The following STXBP4 variants were observed in gnomAD, a reference collection of about 807,000 sequenced individuals.
The protein encoded by STXBP4 is syntaxin binding protein 4.
Under a neutral mutation model 76.1 loss-of-function variants are expected in STXBP4, and 55 were observed. That is an observed-to-expected ratio of 0.72 (90% CI 0.58 to 0.91). The LOEUF (loss-of-function observed/expected upper bound fraction) is 0.91, where lower values mean the gene tolerates loss of function less well. Ranked by LOEUF, STXBP4 falls within the 40% of genes least tolerant of loss-of-function variation. The pLI is 0.00. For synonymous variants in STXBP4, 201 were observed against 220.2 expected (o/e 0.91, Z 0.77); for missense variants, 618 against 636.9 (o/e 0.97, Z 0.32).
chr17:55,191,557 C>T, the STXBP4 span, among the ~76,000 whole-genome samples: 1 of 152,090 alleles, frequency 6.6e-6, no homozygotes, highest in South Asian at 2.1e-4. Flanking sequence ...GGGACATAGA[C>T]GTCTTCTGTT....
At chr17:54,968,836 G>C in intron 1 of STXBP4, 21 bp downstream of exon 1, 1 of 610,702 alleles carries the variant, frequency 1.6e-6, no homozygotes, top group South Asian at 2.1e-5. Context: ...GTTTTGCTTT[G>C]TGACTGTTAC....
the STXBP4 span, among the ~76,000 whole-genome samples, chr17:55,209,065 G>C: frequency 6.6e-6 from 1 of 152,040 alleles, no homozygotes; most frequent in Non-Finnish European, 1.5e-5. Context: ...CTGTGCAACA[G>C]AGCAAGACTC....
rs531703474 is a variant in STXBP4 at position 55,036,734 on chromosome 17, C to T, written c.855+2475C>T. Among the ~76,000 whole-genome samples the T allele has an allele frequency of 2.0e-5, 3 of 152,038 alleles. No homozygotes were observed. The East Asian group carries it at 5.8e-4, about 29-fold the overall frequency. ...TTCAAGCAGGAGAATAGATATGTTA[C>T]ATATTTTTAATAACTTTTTCTTTTA... On this transcript the variant is annotated intron_variant, in intron 10 of 17. Transcript: ENST00000376352.
chr17:55,164,617 A>AT lies in STXBP4; in HGVS notation c.*4714dup, dbSNP rs1400658001. 4 of 149,270 alleles carry AT rather than the reference A, an allele frequency of 2.7e-5. No individual in the cohort carries two copies. The highest frequency in any genetic ancestry group is 6.6e-5 in the Admixed American group (1 of 15,044). 9.2% of individuals were successfully genotyped at this position (149,270 alleles called of 1,614,324 possible). ...AGGCGCCCGCCACCGCGCCCGGCTA[A>AT]TTTTTTTTGTATTTTTAGTAGAGAC... On this transcript the variant is annotated 3_prime_UTR_variant, in exon 18 of 18. Transcript: ENST00000376352.
chr17:55,069,936 T>G (rs1036292322), intron 12 of STXBP4, among the ~76,000 whole-genome samples: 1 of 152,034 alleles, frequency 6.6e-6, no homozygotes, highest in Non-Finnish European at 1.5e-5. Context: ...CCTTTCTCTT[T>G]AGAGTCTTTT....
chr17:55,067,813 GC>G (rs967105164), intron 12 of STXBP4, among the ~76,000 whole-genome samples: 2 of 152,074 alleles, frequency 1.3e-5, no homozygotes, highest in African/African-American at 4.8e-5. Flanking sequence ...TGGAAATTAA[GC>G]AACAGCTGCA....
chr17:55,131,005 A>T (rs1353013760), intron 16 of STXBP4, among the ~76,000 whole-genome samples: 1 of 152,232 alleles, frequency 6.6e-6, no homozygotes, highest in Admixed American at 6.5e-5. Context: ...TCTTCAACAT[A>T]CAGATTTCAA....
rs1193573045 is a variant in STXBP4 at position 54,985,646 on chromosome 17, TAGTC to T, written c.-121_-118del. On this transcript the variant is annotated 5_prime_UTR_variant, in exon 2 of 18. Coordinates refer to ENST00000376352, the MANE Select transcript of STXBP4 (RefSeq NM_178509.6). ...ATTTAAGAAGTTCCTGGAATAATATTAGTCAGAGTAATATAGGATCTGCAGGAAG... is the reference window on the plus strand; with the variant it reads ...ATTTAAGAAGTTCCTGGAATAATATTAGAGTAATATAGGATCTGCAGGAAG... 2.0e-5 allele frequency: 3 copies of T among 152,274 alleles called. No individual in the cohort carries two copies. The highest frequency in any genetic ancestry group is 7.2e-5 in the African/African-American group (3 of 41,476). The allele number at this position is 152,274 out of a possible 1,614,324, so 9.4% of individuals were successfully genotyped here.
At chr17:54,982,628 G>A (rs918786354) in intron 1 of STXBP4, among the ~76,000 whole-genome samples, 2 of 149,596 alleles carry the variant, frequency 1.3e-5, no homozygotes, top group Admixed American at 6.7e-5. Context: ...GTGTGTGTGA[G>A]TGTGGTGAGT....
At position 55,018,462 on chromosome 17, in the gene STXBP4, C is replaced by T. The variant is rs150905069; in HGVS notation, c.666+10865C>T. Among the ~76,000 whole-genome samples the T allele has an allele frequency of 4.2e-3, 638 of 152,216 alleles. 2 individuals carry two copies. Among genetic ancestry groups the T allele is most frequent in the African/African-American group, 0.014 (591 of 41,492 alleles). ...AAGATTTAATAGAGTGAAAACAGAG[C>T]TCCCATAGAAAGGGAGGGGACCCAA... On this transcript the variant is annotated intron_variant, in intron 8 of 17. Coordinates refer to ENST00000376352, the MANE Select transcript of STXBP4 (RefSeq NM_178509.6).
intron 4 of STXBP4, among the ~76,000 whole-genome samples, chr17:54,992,806 G>A (rs981429801): frequency 9.0e-4 from 135 of 150,642 alleles, no homozygotes; most frequent in Admixed American, 1.1e-3. Context: ...CACCTCCCAG[G>A]TTCAAGCGAT....
intron 16 of STXBP4, among the ~76,000 whole-genome samples, chr17:55,082,816 G>T (rs1417316442): frequency 6.6e-6 from 1 of 151,894 alleles, no homozygotes; most frequent in African/African-American, 2.4e-5. Context: ...ATTCTGAAGA[G>T]AGAGAAAAAA....
At chr17:55,082,865 A>G (rs1235436024) in intron 16 of STXBP4, among the ~76,000 whole-genome samples, 1 of 152,210 alleles carries the variant, frequency 6.6e-6, no homozygotes, top group Non-Finnish European at 1.5e-5. Context: ...TATTCTGAAG[A>G]TAGCTATATT....
chr17:55,097,778 G>A (rs984015588), intron 16 of STXBP4, among the ~76,000 whole-genome samples: 1 of 152,152 alleles, frequency 6.6e-6, no homozygotes, highest in Non-Finnish European at 1.5e-5. Context: ...GAGAAGCAGA[G>A]TAGTGAAAAG....
At chr17:54,985,383 C>T (rs2077612168) in intron 1 of STXBP4, among the ~76,000 whole-genome samples, 1 of 152,194 alleles carries the variant, frequency 6.6e-6, no homozygotes, top group South Asian at 2.1e-4. Context: ...TGAGGGAAAA[C>T]CACACAGTCT....
At chr17:55,191,506 C>A in the STXBP4 span, among the ~76,000 whole-genome samples, 3,285 of 152,276 alleles carry the variant, frequency 0.022, 89 homozygotes, top group African/African-American at 0.061. Context: ...GGTCCCTCAA[C>A]AACTTCAACC....
intron 7 of STXBP4, among the ~76,000 whole-genome samples, chr17:55,006,879 A>G (rs964643563): frequency 1.3e-5 from 2 of 152,228 alleles, no homozygotes; most frequent in Non-Finnish European, 2.9e-5. Flanking sequence ...TTGAACAAAA[A>G]GACTTTTTAT....
chr17:55,004,596 G>A (rs1023726248), intron 7 of STXBP4, among the ~76,000 whole-genome samples: 1 of 151,800 alleles, frequency 6.6e-6, no homozygotes, highest in Non-Finnish European at 1.5e-5. Context: ...AGCTACTTGG[G>A]AATCTGAGGT....
At chr17:55,092,846 C>A (rs957844535) in intron 16 of STXBP4, among the ~76,000 whole-genome samples, 2 of 152,204 alleles carry the variant, frequency 1.3e-5, no homozygotes, top group Admixed American at 1.3e-4. Context: ...AAAGCTTAGA[C>A]TTGATATGGC....
Sources: allele counts gnomAD v4.1 joint callset (sites outside exome capture counted in the v4.1 genomes callset), GRCh38; gene constraint gnomAD v4.1.1; transcripts MANE v1.5; gene names NCBI Gene and HGNC (gene_info 2026-07-23, HGNC 2026-07-21).